Variants in TLN2 observed in about 807,000 individuals in gnomAD.
The protein encoded by TLN2 is talin-2.
A neutral mutation model predicts 294.7 loss-of-function variants in TLN2; 118 were observed. The ratio of observed to expected loss-of-function variants is 0.40; its 90% confidence interval spans 0.34 to 0.47. The LOEUF is 0.47. Ranked by LOEUF, TLN2 falls within the 20% of genes least tolerant of loss-of-function variation. TLN2 has a pLI of 0.84. For missense variants in TLN2, 3,083 were observed against 3,282.2 expected, an observed-to-expected ratio of 0.94 and a Z score of 1.48; for synonymous variants, 1,431 against 1,304.5, an observed-to-expected ratio of 1.10 and a Z score of -2.09.
Position 62,735,560 on chromosome 15 carries a change from T to G in TLN2, c.3359-1318T>G, listed in dbSNP as rs71393113. ...GCAGCTACACATGCATCAGAATGAT[T>G]AAATTAAAATCCGATGCTACCTGGT... On this transcript the variant is annotated intron_variant, in intron 28 of 58. Coordinates refer to ENST00000636159, the MANE Select transcript of TLN2 (RefSeq NM_015059.3). Among the ~76,000 whole-genome samples the G allele has an allele frequency of 5.6e-3, 860 of 152,316 alleles. 1 individual carries two copies. Among genetic ancestry groups the G allele is most frequent in the Non-Finnish European group, 8.7e-3 (591 of 68,034 alleles).
At chr15:62,558,478 T>C (rs1158711986) in intron 1 of TLN2, among the ~76,000 whole-genome samples, 1 of 152,204 alleles carries the variant, frequency 6.6e-6, no homozygotes, top group Non-Finnish European at 1.5e-5. Context: ...ATCATTTTCT[T>C]CTTCAACCTT....
Position 62,447,320 on chromosome 15 carries a change from CCAGAACGTCGGGGTGGGTT to C in TLN2, c.-238+56636_-238+56654del, listed in dbSNP as rs1180173938. On this transcript the variant is annotated intron_variant, in intron 1 of 58. Coordinates refer to ENST00000636159, the MANE Select transcript of TLN2 (RefSeq NM_015059.3). ...AGGAAAGTTTTACGAGGTAGTGGGT[CCAGAACGTCGGGGTGGGTT>C]GCACAGTGGGAGAGGCTGGGAGGAG... Among the ~76,000 whole-genome samples, 11 of 151,968 alleles carry C rather than the reference CCAGAACGTCGGGGTGGGTT, an allele frequency of 7.2e-5. No individual in the cohort carries two copies. The East Asian group carries it at 2.1e-3, about 29-fold the overall frequency.
chr15:62,575,055 G>T (rs1213272967), intron 1 of TLN2, among the ~76,000 whole-genome samples: 3 of 152,202 alleles, frequency 2.0e-5, no homozygotes, highest in Non-Finnish European at 4.4e-5. Flanking sequence ...GCTCATGCCT[G>T]TAATTCTAAC....
chr15:62,666,791 G>A (rs1470576107), intron 9 of TLN2, among the ~76,000 whole-genome samples: 1 of 152,114 alleles, frequency 6.6e-6, no homozygotes, highest in African/African-American at 2.4e-5. Context: ...TTTGAGTCTG[G>A]ATTCAAATCC....
intron 1 of TLN2, among the ~76,000 whole-genome samples, chr15:62,582,246 A>ACACACACACACACACACACACACACCC (rs764248336): frequency 1.5e-5 from 2 of 137,238 alleles, no homozygotes; most frequent in East Asian, 2.3e-4. Context: ...ACACACACAC[A>ACACACACACACACACACACACACACCC]CATTCATGCC....
At chr15:62,700,981 C>T (rs2058682665) in intron 16 of TLN2, 125 bp from the exon 17 acceptor site, 5 of 753,670 alleles carry the variant, frequency 6.6e-6, no homozygotes, top group South Asian at 5.2e-5. Flanking sequence ...CTTAAGGGCC[C>T]TGTCGGTGCT....
Position 62,677,805 on chromosome 15 carries a change from A to ATTTTTTTTTTTTTTT in TLN2, c.957+2484_957+2485insTTTTTTTTTTTTTTT, listed in dbSNP as rs1555466874. Among the ~76,000 whole-genome samples, 9 of 11,128 alleles carry ATTTTTTTTTTTTTTT rather than the reference A, an allele frequency of 8.1e-4. 1 individual carries two copies. Among genetic ancestry groups the ATTTTTTTTTTTTTTT allele is most frequent in the Non-Finnish European group, 2.0e-3 (5 of 2,514 alleles). 7.3% of individuals were successfully genotyped at this position (11,128 alleles called of 152,430 possible). On this transcript the variant is annotated intron_variant, in intron 11 of 58. Coordinates refer to ENST00000636159, the MANE Select transcript of TLN2 (RefSeq NM_015059.3). ...ATTAAGAAAGTAGGCAGCACTTGCA[A>ATTTTTTTTTTTTTTT]CTTTTTTTTTTTTTTTGAGACGGAG...
At chr15:62,401,265 C>A (rs2032999434) in intron 1 of TLN2, among the ~76,000 whole-genome samples, 1 of 152,030 alleles carries the variant, frequency 6.6e-6, no homozygotes, top group South Asian at 2.1e-4. Context: ...AACGTTTATT[C>A]TGTTTTCAGC....
chr15:62,746,628 G>C (rs2061627741), intron 32 of TLN2, among the ~76,000 whole-genome samples: 1 of 152,124 alleles, frequency 6.6e-6, no homozygotes, highest in Non-Finnish European at 1.5e-5. Flanking sequence ...ATATTCTGTG[G>C]GAAGCTGCAA....
intron 58 of TLN2, 92 bp from the exon 59 acceptor site, chr15:62,840,390 G>A (rs148087254): frequency 4.4e-5 from 67 of 1,523,258 alleles, no homozygotes; most frequent in Middle Eastern, 3.6e-4. Context: ...TCCCACGGTC[G>A]CGGGAGCCGT....
chr15:62,463,859 C>T (rs1451693541), intron 1 of TLN2, among the ~76,000 whole-genome samples: 4 of 152,144 alleles, frequency 2.6e-5, no homozygotes, highest in Non-Finnish European at 4.4e-5. Context: ...TGCACTCCAG[C>T]CTGGGCAACA....
chr15:62,840,244 A>G (rs2070477364), intron 58 of TLN2, among the ~76,000 whole-genome samples: 1 of 152,168 alleles, frequency 6.6e-6, no homozygotes, highest in South Asian at 2.1e-4. Context: ...TAAGGCTGCA[A>G]GAGATGTTTG....
chr15:62,619,775 C>T (rs551232874), intron 3 of TLN2, among the ~76,000 whole-genome samples: 14 of 152,146 alleles, frequency 9.2e-5, no homozygotes, highest in East Asian at 1.9e-4. Flanking sequence ...TGGAGGGTAG[C>T]GTGTTCCCAC....
At chr15:62,450,208 C>A (rs1008240137) in intron 1 of TLN2, among the ~76,000 whole-genome samples, 2 of 152,096 alleles carry the variant, frequency 1.3e-5, no homozygotes, top group Non-Finnish European at 2.9e-5. Flanking sequence ...CTGAAACGTT[C>A]TTCTCCCACC....
At chr15:62,508,677 G>A (rs1452211970) in intron 1 of TLN2, among the ~76,000 whole-genome samples, 1 of 152,172 alleles carries the variant, frequency 6.6e-6, no homozygotes, top group African/African-American at 2.4e-5. Context: ...AAAAAATTAG[G>A]TAAATTTTTC....
chr15:62,707,112 TG>T lies in TLN2; in HGVS notation c.2032del (p.Val678LeufsTer10), dbSNP rs1374725256. On this transcript the variant is annotated frameshift_variant, in exon 20 of 59. Transcript: ENST00000636159. LOFTEE classifies it high-confidence loss of function. ...QDVLMSLAKA[V>X]ANAAAMLVLK... Reference sequence around the variant, plus strand: ...ATGTTTTAATGAGTTTGGCCAAAGCTGTTGCCAATGCAGCTGCCATGTTGGT... The same window carrying T: ...ATGTTTTAATGAGTTTGGCCAAAGCTTTGCCAATGCAGCTGCCATGTTGGT... 2 of 1,613,910 alleles carry T rather than the reference TG, an allele frequency of 1.2e-6. No homozygotes were observed. Among genetic ancestry groups the T allele is most frequent in the Non-Finnish European group, 1.7e-6 (2 of 1,179,926 alleles).
intron 54 of TLN2, among the ~76,000 whole-genome samples, chr15:62,826,905 C>T (rs1758566217): frequency 6.6e-6 from 1 of 152,046 alleles, no homozygotes; most frequent in South Asian, 2.1e-4. Flanking sequence ...GTTTCTGATG[C>T]ACTATGACCT....
intron 1 of TLN2, among the ~76,000 whole-genome samples, chr15:62,475,854 G>C (rs923770363): frequency 2.0e-5 from 3 of 152,190 alleles, no homozygotes; most frequent in Non-Finnish European, 2.9e-5. Context: ...GACAGAGTAA[G>C]AATAACATTT....
At chr15:62,679,347 C>T (rs7181411) in intron 11 of TLN2, among the ~76,000 whole-genome samples, 120,713 of 152,184 alleles carry the variant, frequency 0.79, 50,672 homozygotes, top group East Asian at 0.95. Flanking sequence ...CAGTGTTAGC[C>T]AAAAGTAAGA....
Sources: gnomAD v4.1 joint callset for allele counts (sites outside exome capture counted in the v4.1 genomes callset) on GRCh38, gnomAD v4.1.1 for gene constraint, MANE v1.5 for transcripts, NCBI Gene and HGNC (gene_info 2026-07-23, HGNC 2026-07-21) for gene names.